The following ARB2A variants were observed in gnomAD, a reference collection of about 807,000 sequenced individuals.
ARB2A encodes cotranscriptional regulator ARB2A.
chr5:93,717,845 T>C, the ARB2A span, among the ~76,000 whole-genome samples: 1 of 151,174 alleles, frequency 6.6e-6, no homozygotes, highest in African/African-American at 2.4e-5. Context: ...CTTTTTTTTT[T>C]TTTTTTTGAG....
chr5:93,663,968 TATA>T, the ARB2A span, among the ~76,000 whole-genome samples: 2,629 of 152,268 alleles, frequency 0.017, 84 homozygotes, highest in African/African-American at 0.06. Context: ...TTAATTTTAT[TATA>T]ATAAGAGGAA....
the ARB2A span, among the ~76,000 whole-genome samples, chr5:93,647,537 G>T: frequency 6.6e-6 from 1 of 150,652 alleles, no homozygotes; most frequent in African/African-American, 2.4e-5. Flanking sequence ...ACAGTTTTTT[G>T]TTTGTTTGTT....
At chr5:93,676,330 C>T in the ARB2A span, among the ~76,000 whole-genome samples, 2 of 152,016 alleles carry the variant, frequency 1.3e-5, no homozygotes, top group East Asian at 3.8e-4. Context: ...TAAAATCTTT[C>T]TTGTTATTTA....
chr5:94,030,722 C>T, the ARB2A span, among the ~76,000 whole-genome samples: 1 of 152,150 alleles, frequency 6.6e-6, no homozygotes, highest in Admixed American at 6.5e-5. Context: ...GGAGGTGGAG[C>T]CTTTAAGAGG....
At chr5:93,886,208 C>T in the ARB2A span, among the ~76,000 whole-genome samples, 1 of 151,756 alleles carries the variant, frequency 6.6e-6, no homozygotes, top group East Asian at 1.9e-4. Context: ...TTTCAACTAT[C>T]TTTTGGTTGG....
chr5:93,692,033 T>G, the ARB2A span, among the ~76,000 whole-genome samples: 4 of 152,032 alleles, frequency 2.6e-5, no homozygotes, highest in Non-Finnish European at 4.4e-5. Flanking sequence ...AAGCACTAAA[T>G]ATGGAAAGGA....
At chr5:93,648,998 G>C in the ARB2A span, among the ~76,000 whole-genome samples, 3 of 152,128 alleles carry the variant, frequency 2.0e-5, no homozygotes, top group South Asian at 6.2e-4. Context: ...GGACTTTACT[G>C]TTCTACCTAT....
chr5:93,807,358 T>C, the ARB2A span, among the ~76,000 whole-genome samples: 1 of 151,984 alleles, frequency 6.6e-6, no homozygotes, highest in African/African-American at 2.4e-5. Flanking sequence ...TACTATTTTA[T>C]GGTACGAAAT....
chr5:93,883,341 T>C, the ARB2A span, among the ~76,000 whole-genome samples: 1 of 151,648 alleles, frequency 6.6e-6, no homozygotes, highest in Non-Finnish European at 1.5e-5. Context: ...ATAATGCTTC[T>C]TTCACAAAAA....
At chr5:94,011,936 CAAAAAAAA>C in the ARB2A span, among the ~76,000 whole-genome samples, 10 of 30,200 alleles carry the variant, frequency 3.3e-4, no homozygotes, top group South Asian at 2.6e-3. Flanking sequence ...AAAGGGTAGA[CAAAAAAAA>C]AAAAAAAAAA....
the ARB2A span, among the ~76,000 whole-genome samples, chr5:93,814,594 T>A: frequency 1.3e-5 from 2 of 152,348 alleles, no homozygotes; most frequent in Middle Eastern, 3.4e-3. Context: ...GACCTTAACA[T>A]AATGACCTCT....
chr5:93,844,127 A>G, the ARB2A span, among the ~76,000 whole-genome samples: 1 of 151,934 alleles, frequency 6.6e-6, no homozygotes, highest in African/African-American at 2.4e-5. Context: ...AAACAAAAAA[A>G]AAAACAAAAA....
chr5:93,967,394 C>G, the ARB2A span, among the ~76,000 whole-genome samples: 5 of 152,198 alleles, frequency 3.3e-5, no homozygotes, highest in Admixed American at 2.0e-4. Flanking sequence ...GTCAACAAAT[C>G]TCATTAGATC....
the ARB2A span, among the ~76,000 whole-genome samples, chr5:93,633,104 A>G: frequency 6.6e-6 from 1 of 152,080 alleles, no homozygotes; most frequent in African/African-American, 2.4e-5. Flanking sequence ...TAGCTACTCT[A>G]CCTCACAGCC....
At chr5:94,055,649 A>T in the ARB2A span, 1 of 985,246 alleles carries the variant, frequency 1.0e-6, no homozygotes, top group Non-Finnish European at 1.2e-6. Context: ...ATTCATTAGT[A>T]AAGTTCTTAC....
chr5:94,019,735 G>A, the ARB2A span, among the ~76,000 whole-genome samples: 1 of 152,148 alleles, frequency 6.6e-6, no homozygotes, highest in East Asian at 1.9e-4. Context: ...ATTCCTCAAG[G>A]ATCTAGAACC....
the ARB2A span, among the ~76,000 whole-genome samples, chr5:94,027,281 G>A: frequency 6.6e-6 from 1 of 152,184 alleles, no homozygotes; most frequent in Non-Finnish European, 1.5e-5. Context: ...CCTACCTGAT[G>A]TCTTTTTGTA....
the ARB2A span, among the ~76,000 whole-genome samples, chr5:93,705,688 G>C: frequency 6.6e-6 from 1 of 150,874 alleles, no homozygotes; most frequent in Non-Finnish European, 1.5e-5. Context: ...CTTTGTATAT[G>C]TGTATTCAAA....
chr5:93,917,557 A>G, the ARB2A span, among the ~76,000 whole-genome samples: 2 of 152,144 alleles, frequency 1.3e-5, no homozygotes, highest in Non-Finnish European at 2.9e-5. Flanking sequence ...CAAAGAAAAA[A>G]AAATTATATT....
Sources: allele counts gnomAD v4.1 joint callset (sites outside exome capture counted in the v4.1 genomes callset), GRCh38; gene constraint gnomAD v4.1.1; transcripts MANE v1.5; gene names NCBI Gene and HGNC (gene_info 2026-07-23, HGNC 2026-07-21).